PPP1R12A: variants seen among roughly 807,000 people sequenced by gnomAD.
The protein encoded by PPP1R12A is myosin binding subunit.
A neutral mutation model predicts 139.6 loss-of-function variants in PPP1R12A; 19 were observed. The observed-to-expected ratio is 0.14, with a 90% CI of 0.09 to 0.20. PPP1R12A has a LOEUF of 0.20. Ranked by LOEUF, PPP1R12A falls within the 10% of genes least tolerant of loss-of-function variation. The pLI is 1.00. For missense variants in PPP1R12A, 925 were observed against 1,211.5 expected, an observed-to-expected ratio of 0.76 and a Z score of 3.51; for synonymous variants, 427 against 420.6, an observed-to-expected ratio of 1.02 and a Z score of -0.19.
At chr12:79,787,362 A>G (rs1871250757) in intron 21 of PPP1R12A, 1 of 152,176 alleles carries the variant, frequency 6.6e-6, no homozygotes, top group African/African-American at 2.4e-5. Flanking sequence ...AAATTTATTT[A>G]TTCCAATGCA....
chr12:79,786,663 T>C (rs1340210644), intron 21 of PPP1R12A, 185 bp from the exon 22 acceptor site: 2 of 417,162 alleles, frequency 4.8e-6, no homozygotes, highest in Non-Finnish European at 8.4e-6. Context: ...GTTTGTCCCA[T>C]ATAAAGTCTT....
intron 1 of PPP1R12A, among the ~76,000 whole-genome samples, chr12:79,890,952 CTCTCTCTCTCTCTT>C (rs368254864): frequency 2.8e-5 from 4 of 143,480 alleles, no homozygotes; most frequent in African/African-American, 1.0e-4. Context: ...CATTCACTCA[CTCTCTCTCTCTCTT>C]TCTCTCTCTC....
chr12:79,869,923 A>ATTATTATTG (rs1555226736), intron 2 of PPP1R12A, among the ~76,000 whole-genome samples: 4 of 149,812 alleles, frequency 2.7e-5, no homozygotes, highest in Non-Finnish European at 5.9e-5. Context: ...TATTATTATT[A>ATTATTATTG]TTATTATTAT....
intron 1 of PPP1R12A, among the ~76,000 whole-genome samples, chr12:79,885,916 G>C (rs1884061647): frequency 6.6e-6 from 1 of 152,046 alleles, no homozygotes. Flanking sequence ...GGCTGGTCTA[G>C]AACTCCTGGC....
intron 3 of PPP1R12A, among the ~76,000 whole-genome samples, chr12:79,835,181 A>G (rs552721029): frequency 3.3e-5 from 5 of 152,220 alleles, no homozygotes; most frequent in African/African-American, 4.8e-5. Context: ...ATCAGACTAC[A>G]GGTTCTTCAA....
chr12:79,875,242 C>T (rs1882985896), intron 1 of PPP1R12A, among the ~76,000 whole-genome samples: 2 of 152,132 alleles, frequency 1.3e-5, no homozygotes, highest in African/African-American at 2.4e-5. Flanking sequence ...GGAATTGGCA[C>T]TATTCATAAT....
At chr12:79,833,429 C>T (rs897849078) in intron 3 of PPP1R12A, among the ~76,000 whole-genome samples, 2 of 152,088 alleles carry the variant, frequency 1.3e-5, no homozygotes, top group African/African-American at 4.8e-5. Context: ...ATTTAATAAA[C>T]AGCACACACC....
intron 1 of PPP1R12A, among the ~76,000 whole-genome samples, chr12:79,909,454 CG>C (rs576406406): frequency 1.2e-3 from 175 of 152,110 alleles, no homozygotes; most frequent in African/African-American, 4.1e-3. Context: ...TTCTGCACCC[CG>C]GCTGGGCATG....
chr12:79,927,302 G>GA (rs1046392524), intron 1 of PPP1R12A, among the ~76,000 whole-genome samples: 2 of 152,072 alleles, frequency 1.3e-5, no homozygotes, highest in African/African-American at 4.8e-5. Flanking sequence ...TCTATGTCCT[G>GA]AAAAAAGGAG....
chr12:79,814,835 A>AT (rs1325386025), intron 9 of PPP1R12A, among the ~76,000 whole-genome samples: 2 of 151,114 alleles, frequency 1.3e-5, no homozygotes, highest in Admixed American at 1.3e-4. Context: ...AAAAAAAAAA[A>AT]AAAAAATTCA....
At chr12:79,905,275 T>C (rs888325621) in intron 1 of PPP1R12A, among the ~76,000 whole-genome samples, 3 of 151,636 alleles carry the variant, frequency 2.0e-5, no homozygotes, top group Middle Eastern at 3.2e-3. Flanking sequence ...CAAATTAATT[T>C]AGAGCGTGAA....
chr12:79,795,469 TTAAC>T (rs1872404249), intron 18 of PPP1R12A, among the ~76,000 whole-genome samples, 165 bp downstream of exon 18: 1 of 152,130 alleles, frequency 6.6e-6, no homozygotes, highest in South Asian at 2.1e-4. Context: ...ATCTAAGTAG[TTAAC>T]TATCCTTAAA....
intron 1 of PPP1R12A, among the ~76,000 whole-genome samples, chr12:79,910,135 A>G (rs1280305313): frequency 1.3e-5 from 2 of 152,168 alleles, no homozygotes; most frequent in Non-Finnish European, 2.9e-5. Flanking sequence ...AATTAGTCTA[A>G]AAGACCTAAT....
At chr12:79,815,735 T>C (rs979868150) in intron 9 of PPP1R12A, among the ~76,000 whole-genome samples, 1 of 152,160 alleles carries the variant, frequency 6.6e-6, no homozygotes, top group Non-Finnish European at 1.5e-5. Flanking sequence ...TCTTCAAAAT[T>C]TTGCAGACAA....
At chr12:79,848,069 C>A (rs1879616449) in intron 2 of PPP1R12A, among the ~76,000 whole-genome samples, 1 of 152,100 alleles carries the variant, frequency 6.6e-6, no homozygotes, top group Non-Finnish European at 1.5e-5. Flanking sequence ...ACATGTGTAT[C>A]TGATCACAAA....
intron 1 of PPP1R12A, among the ~76,000 whole-genome samples, chr12:79,906,975 G>C (rs1192624534): frequency 6.6e-6 from 1 of 152,048 alleles, no homozygotes; most frequent in Non-Finnish European, 1.5e-5. Flanking sequence ...ATTGCCTATT[G>C]TACTGATTCT....
Position 79,773,723 on chromosome 12 carries a change from T to C in PPP1R12A, c.*2206A>G, listed in dbSNP as rs962278490. ...ATTACAATTTCAGAAATTATTCAAA[T>C]TGGTATCCAAGTAAAGCAATTAGTG... is the stretch of plus-strand genomic sequence containing the variant. On this transcript the variant is annotated 3_prime_UTR_variant, in exon 25 of 25. Coordinates refer to ENST00000450142, the MANE Select transcript of PPP1R12A (RefSeq NM_002480.3). 1 of 152,214 alleles carries C rather than the reference T, an allele frequency of 6.6e-6. No individual in the cohort carries two copies. The highest frequency in any genetic ancestry group is 2.4e-5 in the African/African-American group (1 of 41,470). 9.4% of individuals were successfully genotyped at this position (152,214 alleles called of 1,614,324 possible).
chr12:79,888,705 T>G (rs2137412675), intron 1 of PPP1R12A, among the ~76,000 whole-genome samples: 1 of 152,202 alleles, frequency 6.6e-6, no homozygotes, highest in South Asian at 2.1e-4. Flanking sequence ...TTCCAGGTAG[T>G]TTACATATAC....
chr12:79,781,533 T>A (rs769794952), intron 23 of PPP1R12A, among the ~76,000 whole-genome samples: 4 of 152,068 alleles, frequency 2.6e-5, no homozygotes, highest in Non-Finnish European at 4.4e-5. Context: ...AAATTCACTA[T>A]CAAAATGTGT....
Sources: gnomAD v4.1 joint callset for allele counts (sites outside exome capture counted in the v4.1 genomes callset) on GRCh38, gnomAD v4.1.1 for gene constraint, MANE v1.5 for transcripts, NCBI Gene and HGNC (gene_info 2026-07-23, HGNC 2026-07-21) for gene names.